RUFY2: variants seen among roughly 807,000 people sequenced by gnomAD.
RUFY2 encodes RUN and FYVE domain-containing protein 2.
A neutral mutation model predicts 94.4 loss-of-function variants in RUFY2; 49 were observed. That is an observed-to-expected ratio of 0.52 (90% CI 0.41 to 0.66). The LOEUF (loss-of-function observed/expected upper bound fraction) is 0.66. RUFY2 is among the 30% of genes least tolerant of loss of function. The probability of loss-of-function intolerance (pLI) is 0.00; values close to 1 mark genes in which losing one functional copy is unlikely to be tolerated. For missense variants in RUFY2, 541 were observed against 692.8 expected, an observed-to-expected ratio of 0.78 and a Z score of 2.46; for synonymous variants, 255 against 235.7, an observed-to-expected ratio of 1.08 and a Z score of -0.75.
chr10:68,366,053 T>C (rs1038740139), intron 13 of RUFY2, among the ~76,000 whole-genome samples: 2 of 152,014 alleles, frequency 1.3e-5, no homozygotes, highest in African/African-American at 4.8e-5. Context: ...TGTACTAAGT[T>C]TGGTGGCTCA....
rs1268532830 is a variant in RUFY2, at chr10:68,363,490, C to T, written c.1550+100G>A. On this transcript the variant is annotated intron_variant, in intron 15 of 17. Transcript: ENST00000602465. ...CCACCGCGCCCGGCCTAGTTCGTAT[C>T]TTTCCTATATTTAAACTCTTCTGCC... 5 of 749,432 alleles carry T rather than the reference C, an allele frequency of 6.7e-6. No individual in the cohort carries two copies. The Admixed American group carries it at 1.6e-4, about 24-fold the overall frequency. The allele number at this position is 749,432 out of a possible 1,614,324, so 46.4% of individuals were successfully genotyped here. A position where few individuals can be genotyped will look rare whatever the true frequency, so the allele number is the denominator to read the frequency against.
intron 3 of RUFY2, 144 bp from the exon 4 acceptor site, chr10:68,397,025 A>G (rs1442288359): frequency 1.8e-6 from 1 of 569,058 alleles, no homozygotes. Context: ...TTTTGAGCAC[A>G]CAAACCAATC....
rs574200147 is a variant in RUFY2 at position 68,377,505 on chromosome 10, C to T, written c.1206-533G>A. The T allele has an allele frequency of 2.5e-5, 25 of 983,416 alleles. No individual in the cohort carries two copies. In the South Asian group the frequency reaches 2.8e-4, roughly 11 times the overall value. The allele number at this position is 983,416 out of a possible 1,614,324, so 60.9% of individuals were successfully genotyped here. On this transcript the variant is annotated intron_variant, in intron 12 of 17. Coordinates refer to ENST00000602465, the MANE Select transcript of RUFY2 (RefSeq NM_001330103.2). ...TCTTTATGCATTTACTAAATTATGC[C>T]GAAGCTCTGTGTGTGTGTGTGTGTG...
At chr10:68,385,569 T>C (rs1480633218) in intron 8 of RUFY2, among the ~76,000 whole-genome samples, 2 of 152,102 alleles carry the variant, frequency 1.3e-5, no homozygotes, top group Non-Finnish European at 2.9e-5. Context: ...AGAGGGACGG[T>C]ATCATTTTAA....
chr10:68,346,072 GC>G lies in RUFY2; in HGVS notation c.1611del (p.Trp537CysfsTer2). The G allele has an allele frequency of 6.2e-7, 1 of 1,613,002 alleles. No individual in the cohort carries two copies. The highest frequency in any genetic ancestry group is 8.5e-7 in the Non-Finnish European group (1 of 1,179,470). ...EANKALQGLV[W>X]LKDKEATHCK... ...CAATGTGTTGCTTCTTTGTCTTTCAGCCAAACCAGTCCCTAGTAGGAAGAAA... is the reference window on the plus strand; with the variant it reads ...CAATGTGTTGCTTCTTTGTCTTTCAGCAAACCAGTCCCTAGTAGGAAGAAA... On this transcript the variant is annotated frameshift_variant, in exon 17 of 18. Coordinates refer to ENST00000602465, the MANE Select transcript of RUFY2 (RefSeq NM_001330103.2). LOFTEE classifies it high-confidence loss of function.
chr10:68,357,984 T>C lies in RUFY2; in HGVS notation c.1551-2583A>G, dbSNP rs1230296371. ...GGGGAGATCACTTGAGGTCAGGAGT[T>C]CCAGACCAGCCTGGCCAACATGGTG... On this transcript the variant is annotated intron_variant, in intron 15 of 17. Transcript: ENST00000602465. 2.6e-5 allele frequency among the ~76,000 whole-genome samples: 4 copies of C among 152,182 alleles called. No homozygotes were observed. The East Asian group carries it at 7.7e-4, about 29-fold the overall frequency.
At chr10:68,404,614 G>T in intron 2 of RUFY2, 57 bp downstream of exon 2, 1 of 1,310,144 alleles carries the variant, frequency 7.6e-7, no homozygotes, top group Non-Finnish European at 1.0e-6. Flanking sequence ...CCATTCTCAA[G>T]GGCACTTGAA....
In RUFY2 at chr10:68,345,164, TCCACTGTAGCTGAAA is replaced by T. The variant is rs1337832148; in HGVS notation, c.*589_*603del. On this transcript the variant is annotated 3_prime_UTR_variant, in exon 18 of 18. Transcript: ENST00000602465. ...CCAAATAATGCCCCCTTTAATTTAA[TCCACTGTAGCTGAAA>T]ATCTTCAGCAAGCACGACAATAACT... 2 of 154,598 alleles carry T rather than the reference TCCACTGTAGCTGAAA, an allele frequency of 1.3e-5. No homozygotes were observed. The highest frequency in any genetic ancestry group is 4.8e-5 in the African/African-American group (2 of 41,542). 9.6% of individuals were successfully genotyped at this position (154,598 alleles called of 1,614,324 possible). A position where few individuals can be genotyped will look rare whatever the true frequency, so the allele number is the denominator to read the frequency against.
chr10:68,391,985 C>A (rs1157989121), intron 7 of RUFY2, among the ~76,000 whole-genome samples: 2 of 151,336 alleles, frequency 1.3e-5, no homozygotes, highest in African/African-American at 2.4e-5. Flanking sequence ...AACAAACAAA[C>A]AAACAAACAA....
intron 13 of RUFY2, among the ~76,000 whole-genome samples, chr10:68,369,567 A>G (rs1014205657): frequency 6.6e-6 from 1 of 152,024 alleles, no homozygotes; most frequent in Non-Finnish European, 1.5e-5. Context: ...CTCTGCCTTC[A>G]TGAATGAATT....
At chr10:68,360,471 C>T (rs1005076877) in intron 15 of RUFY2, among the ~76,000 whole-genome samples, 1 of 151,540 alleles carries the variant, frequency 6.6e-6, no homozygotes, top group African/African-American at 2.4e-5. Flanking sequence ...AGGCCAGGTG[C>T]GGTGGCTCAC....
At chr10:68,365,892 ACAGT>A (rs1289145449) in intron 13 of RUFY2, among the ~76,000 whole-genome samples, 1 of 152,230 alleles carries the variant, frequency 6.6e-6, no homozygotes, top group Non-Finnish European at 1.5e-5. Context: ...ACCAAAGCAC[ACAGT>A]ACCCTGTTGA....
chr10:68,366,569 C>T (rs935664933), intron 13 of RUFY2, among the ~76,000 whole-genome samples: 5 of 147,678 alleles, frequency 3.4e-5, no homozygotes, highest in Non-Finnish European at 5.9e-5. Context: ...ATGGTGAAAC[C>T]CTGTCTCTAC....
chr10:68,341,545 A>G, downstream of RUFY2: 1 of 1,357,546 alleles, frequency 7.4e-7, no homozygotes, highest in Non-Finnish European at 1.0e-6. Context: ...TTTATCCATC[A>G]TTCCTTTCTC....
At chr10:68,393,243 GTATT>G (rs1589964885) in intron 6 of RUFY2, 40 bp from the exon 7 acceptor site, 3 of 1,124,192 alleles carry the variant, frequency 2.7e-6, no homozygotes, top group East Asian at 2.5e-5. Flanking sequence ...AGTTGAAAAG[GTATT>G]TATTAAGCAC....
At chr10:68,351,434 C>T (rs1230333220) in intron 16 of RUFY2, among the ~76,000 whole-genome samples, 1 of 146,066 alleles carries the variant, frequency 6.8e-6, no homozygotes, top group African/African-American at 2.5e-5. Context: ...CCACGCCCAA[C>T]CTCCACCCAT....
At chr10:68,366,866 AATAAAT>A (rs1453206730) in intron 13 of RUFY2, among the ~76,000 whole-genome samples, 2 of 124,038 alleles carry the variant, frequency 1.6e-5, no homozygotes, top group African/African-American at 3.2e-5. Context: ...AAATATATTA[AATAAAT>A]ATATATATAT....
At chr10:68,364,135 A>C (rs1161132757) in intron 13 of RUFY2, 22 bp from the exon 14 acceptor site, 1 of 1,604,268 alleles carries the variant, frequency 6.2e-7, no homozygotes, top group Non-Finnish European at 8.5e-7. Context: ...AATAACACAC[A>C]GAAGCTCAGT....
intron 14 of RUFY2, 139 bp from the exon 15 acceptor site, chr10:68,363,823 G>A (rs2047626473): frequency 1.2e-6 from 1 of 819,894 alleles, no homozygotes; most frequent in Non-Finnish European, 1.8e-6. Context: ...CTCTTTCCTA[G>A]CTGCTGTATC....
Sources: allele counts gnomAD v4.1 joint callset (sites outside exome capture counted in the v4.1 genomes callset), GRCh38; gene constraint gnomAD v4.1.1; transcripts MANE v1.5; gene names NCBI Gene and HGNC (gene_info 2026-07-23, HGNC 2026-07-21).